The following LIX1 variants were observed in gnomAD, a reference collection of about 807,000 sequenced individuals.
LIX1 encodes limb and CNS expressed 1.
A neutral mutation model predicts 33.4 loss-of-function variants in LIX1; 24 were observed. The ratio of observed to expected loss-of-function variants is 0.72; its 90% CI spans 0.52 to 1.01. The LOEUF is 1.01. LIX1 is among the 50% of genes least tolerant of loss of function. The probability of loss-of-function intolerance (pLI) is 0.00; values close to 1 mark genes in which losing one functional copy is unlikely to be tolerated. For synonymous variants in LIX1, 124 were observed against 124.0 expected (o/e 1.00, Z 0.00); for missense variants, 311 against 339.2 (o/e 0.92, Z 0.65).
chr5:97,095,503 G>A (rs1746329822), intron 5 of LIX1, among the ~76,000 whole-genome samples: 1 of 152,186 alleles, frequency 6.6e-6, no homozygotes, highest in Non-Finnish European at 1.5e-5. Flanking sequence ...TCTTAGTTAA[G>A]GGCATCTCAG....
At chr5:97,101,806 C>G (rs1425725894) in intron 4 of LIX1, 3 of 152,132 alleles carry the variant, frequency 2.0e-5, no homozygotes, top group Non-Finnish European at 4.4e-5. Flanking sequence ...AAAACAAACA[C>G]TGTAAATGGA....
intron 2 of LIX1, 83 bp downstream of exon 2, chr5:97,124,383 T>C: frequency 8.2e-7 from 1 of 1,213,646 alleles, no homozygotes; most frequent in Non-Finnish European, 1.1e-6. Context: ...CCAAGAAAAT[T>C]TGTAATGTTA....
At chr5:97,129,925 T>C (rs1171791912) in intron 1 of LIX1, among the ~76,000 whole-genome samples, 1 of 152,242 alleles carries the variant, frequency 6.6e-6, no homozygotes, top group Non-Finnish European at 1.5e-5. Flanking sequence ...TTTCCGACAT[T>C]TGTTCTTGAC....
chr5:97,132,051 C>A (rs760820042), intron 1 of LIX1, among the ~76,000 whole-genome samples: 1 of 152,162 alleles, frequency 6.6e-6, no homozygotes, highest in Non-Finnish European at 1.5e-5. Context: ...GATGCCAACA[C>A]GAATTGATTT....
intron 2 of LIX1, among the ~76,000 whole-genome samples, chr5:97,117,615 G>A (rs1165043515): frequency 2.0e-5 from 3 of 152,160 alleles, no homozygotes; most frequent in South Asian, 2.1e-4. Flanking sequence ...TATAAAACGC[G>A]TTTTTATGTC....
In LIX1 at chr5:97,094,815, C is replaced by T; in HGVS notation, c.782G>A (p.Ser261Asn). The change falls in exon 6 of 6, where the codon AGT becomes AAT. Residue 261 changes from serine (S) to asparagine (N), a missense_variant. By Grantham distance (46) the Ser-to-Asn change is conservative (BLOSUM62 1). Transcript: ENST00000274382. Reference protein sequence around the residue: ...ILSLALTQICSDPDTSSPSDD... With the variant: ...ILSLALTQICNDPDTSSPSDD... The stretch of plus-strand genomic sequence containing the variant: ...ACTGGGTGAGGAAGTGTCAGGGTCA[C>T]TGCAGATCTGAGTCAGGGCTAAGCT... 1.2e-6 allele frequency: 2 copies of T among 1,614,206 alleles called. No homozygotes were observed. The highest frequency in any genetic ancestry group is 1.7e-6 in the Non-Finnish European group (2 of 1,180,038).
chr5:97,126,466 C>T lies in LIX1; in HGVS notation c.83-1837G>A, dbSNP rs899743113. The stretch of plus-strand genomic sequence containing the variant: ...GGTTGCCATGTATATTTAAAAACTG[C>T]AGTGTTTAGTAATTTAAGAAGTGAT... On this transcript the variant is annotated intron_variant, in intron 1 of 5. Coordinates refer to ENST00000274382, the MANE Select transcript of LIX1 (RefSeq NM_153234.5). Among the ~76,000 whole-genome samples the T allele has an allele frequency of 3.4e-4, 51 of 152,058 alleles. 1 individual carries two copies. Among genetic ancestry groups the T allele is most frequent in the Admixed American group, 2.4e-3 (36 of 15,274 alleles).
At chr5:97,115,379 A>G (rs1747607715) in intron 2 of LIX1, among the ~76,000 whole-genome samples, 2 of 152,230 alleles carry the variant, frequency 1.3e-5, no homozygotes, top group Admixed American at 6.5e-5. Context: ...TCTTCTGGCC[A>G]AGCTGAAGCA....
intron 1 of LIX1, among the ~76,000 whole-genome samples, chr5:97,130,628 G>A (rs905416820): frequency 2.6e-5 from 4 of 152,126 alleles, no homozygotes; most frequent in Non-Finnish European, 5.9e-5. Flanking sequence ...GGTAACTGAT[G>A]TTTAACTGAT....
rs567233696 is a variant in LIX1, at chr5:97,110,477, T to C, written c.247-2977A>G. Among the ~76,000 whole-genome samples, 385 of 152,296 alleles carry C rather than the reference T, an allele frequency of 2.5e-3. 1 individual carries two copies. The highest frequency in any genetic ancestry group is 4.8e-3 in the Non-Finnish European group (324 of 68,010). On this transcript the variant is annotated intron_variant, in intron 2 of 5. Transcript: ENST00000274382. Reference sequence around the variant, plus strand: ...TTGTGAGATGGAGTTTCACTCTTGTTGCCCAGGCTGGAGTGCAATGGCGTG... The same window carrying C: ...TTGTGAGATGGAGTTTCACTCTTGTCGCCCAGGCTGGAGTGCAATGGCGTG...
At position 97,094,790 on chromosome 5, in the gene LIX1, A is replaced by T. The variant is rs1561484617; in HGVS notation, c.807T>A (p.Ser269Arg). The T allele has an allele frequency of 1.4e-5, 22 of 1,614,004 alleles. No homozygotes were observed. Among genetic ancestry groups the T allele is most frequent in the Non-Finnish European group, 1.9e-5 (22 of 1,180,020 alleles). The part of the protein sequence containing the change: ...ICSDPDTSSP[S>R]DDQLSLTALC... ...GGGCCGTAAGGCTCAGCTGATCATC[A>T]CTGGGTGAGGAAGTGTCAGGGTCAC... Residue 269 changes from serine to arginine, a missense_variant, in exon 6 of 6, where the codon AGT becomes AGA. Physicochemically the swap from Ser to Arg is moderately radical, Grantham distance 110. Coordinates refer to ENST00000274382, the MANE Select transcript of LIX1 (RefSeq NM_153234.5).
At chr5:97,110,443 T>A (rs7704410) in intron 2 of LIX1, among the ~76,000 whole-genome samples, 45,702 of 152,142 alleles carry the variant, frequency 0.3, 8,403 homozygotes, top group African/African-American at 0.53. Context: ...TTATTTTTTT[T>A]AATTTTTTTT....
At position 97,099,076 on chromosome 5, in the gene LIX1, G is replaced by A. The variant is rs755844304; in HGVS notation, c.484-2189C>T. On this transcript the variant is annotated intron_variant, in intron 4 of 5. Coordinates refer to ENST00000274382, the MANE Select transcript of LIX1 (RefSeq NM_153234.5). ...ACCAGCTGAGCTGCTCCTTCTGCCCGCCCCCAGATGGAGACCTCCCTGTCT... is the reference window on the plus strand; with the variant it reads ...ACCAGCTGAGCTGCTCCTTCTGCCCACCCCCAGATGGAGACCTCCCTGTCT... Among the ~76,000 whole-genome samples, 51 of 152,198 alleles carry A rather than the reference G, an allele frequency of 3.4e-4. 1 individual carries two copies. The Middle Eastern group carries it at 0.014, about 41-fold the overall frequency.
chr5:97,131,640 T>G (rs1473728787), intron 1 of LIX1, among the ~76,000 whole-genome samples: 1 of 152,236 alleles, frequency 6.6e-6, no homozygotes, highest in East Asian at 1.9e-4. Context: ...TCTGGCTCAT[T>G]CTTCTCTGTA....
intron 1 of LIX1, among the ~76,000 whole-genome samples, chr5:97,128,760 G>GCCCAAGTT (rs1747989156): frequency 6.6e-6 from 1 of 151,984 alleles, no homozygotes; most frequent in Non-Finnish European, 1.5e-5. Context: ...TCTAATAAAT[G>GCCCAAGTT]CCCAAGTTTT....
At chr5:97,121,681 A>T in intron 2 of LIX1, among the ~76,000 whole-genome samples, 1 of 151,568 alleles carries the variant, frequency 6.6e-6, no homozygotes, top group East Asian at 1.9e-4. Context: ...TTAACTTAAT[A>T]CTCTTTTACA....
chr5:97,118,482 C>G (rs1747693009), intron 2 of LIX1, among the ~76,000 whole-genome samples: 1 of 151,172 alleles, frequency 6.6e-6, no homozygotes, highest in African/African-American at 2.4e-5. Flanking sequence ...ATCTGATGGC[C>G]CTTGTATTGC....
rs865813840 is a variant in LIX1, at chr5:97,094,640, C to A, written c.*108G>T. 25 of 1,011,920 alleles carry A rather than the reference C, an allele frequency of 2.5e-5. 1 individual carries two copies. In the Middle Eastern group the frequency reaches 1.3e-3, roughly 53 times the overall value. The allele number at this position is 1,011,920 out of a possible 1,614,324, so 62.7% of individuals were successfully genotyped here. The stretch of plus-strand genomic sequence containing the variant: ...GAATGTGTGGAGAGGGTTAGGAGAG[C>A]CTTCAGGTAGTACTAGAGATGCTGG... On this transcript the variant is annotated 3_prime_UTR_variant, in exon 6 of 6. Transcript: ENST00000274382.
intron 4 of LIX1, among the ~76,000 whole-genome samples, chr5:97,103,694 G>A (rs1394523215): frequency 2.0e-5 from 3 of 152,304 alleles, no homozygotes; most frequent in South Asian, 2.1e-4. Flanking sequence ...GGCCGGGCAC[G>A]GTGGCTCACA....
Sources: allele counts gnomAD v4.1 joint callset (sites outside exome capture counted in the v4.1 genomes callset), GRCh38; gene constraint gnomAD v4.1.1; transcripts MANE v1.5; gene names NCBI Gene and HGNC (gene_info 2026-07-23, HGNC 2026-07-21).